ADGRD1: variants seen among roughly 807,000 people sequenced by gnomAD.
The protein encoded by ADGRD1 is G-protein coupled receptor 133.
A neutral mutation model predicts 113.4 loss-of-function variants in ADGRD1; 77 were observed. The observed-to-expected ratio is 0.68, with a 90% CI of 0.57 to 0.82. The LOEUF is 0.82. Ranked by LOEUF, ADGRD1 falls within the 40% of genes least tolerant of loss-of-function variation. The pLI is 0.00. For missense variants in ADGRD1, 1,036 were observed against 1,139.1 expected, an observed-to-expected ratio of 0.91 and a Z score of 1.30; for synonymous variants, 474 against 475.0, an observed-to-expected ratio of 1.00 and a Z score of 0.03.
Position 131,000,501 on chromosome 12 carries a change from G to A in ADGRD1, c.1026+59G>A. 2.2e-6 allele frequency: 3 copies of A among 1,368,420 alleles called. No individual in the cohort carries two copies. The South Asian group carries it at 3.5e-5, about 16-fold the overall frequency. The allele number at this position is 1,368,420 out of a possible 1,614,324, so 84.8% of individuals were successfully genotyped here. ...TCATACCTATAATCCCAGCACTTTGGGAGGCCAAGGCGGGTGGATCACTTG... is the reference window on the plus strand; with the variant it reads ...TCATACCTATAATCCCAGCACTTTGAGAGGCCAAGGCGGGTGGATCACTTG... On this transcript the variant is annotated intron_variant, in intron 9 of 24. Transcript: ENST00000261654.
intron 3 of ADGRD1, chr12:130,970,848 G>A (rs1209612): frequency 0.85 from 129,094 of 152,328 alleles, 57,919 homozygotes; most frequent in East Asian, 1. Flanking sequence ...GCAAAATGTT[G>A]CTCGGGGTTT....
intron 20 of ADGRD1, among the ~76,000 whole-genome samples, chr12:131,130,758 G>A (rs1203654384): frequency 6.7e-6 from 1 of 150,090 alleles, no homozygotes; most frequent in Non-Finnish European, 1.5e-5. Flanking sequence ...CCCGTGCGGG[G>A]GGAGAGCGAA....
intron 13 of ADGRD1, among the ~76,000 whole-genome samples, chr12:131,059,382 T>C (rs914738825): frequency 2.6e-5 from 4 of 152,226 alleles, no homozygotes; most frequent in Admixed American, 2.6e-4. Flanking sequence ...GGTTTCACCA[T>C]GTTGGCCAGG....
intron 18 of ADGRD1, among the ~76,000 whole-genome samples, chr12:131,115,390 G>A (rs1025342846): frequency 6.6e-6 from 1 of 152,188 alleles, no homozygotes; most frequent in Admixed American, 6.5e-5. Flanking sequence ...CGAGGGGCAG[G>A]GGTGTGGACC....
At chr12:130,976,847 C>A (rs1350000867) in intron 4 of ADGRD1, 2 of 150,836 alleles carry the variant, frequency 1.3e-5, no homozygotes, top group Non-Finnish European at 2.9e-5. Flanking sequence ...CACAGGAAGA[C>A]CCTGTCTCAA....
intron 11 of ADGRD1, 88 bp downstream of exon 11, chr12:131,004,384 GCC>G: frequency 1.3e-6 from 1 of 779,172 alleles, no homozygotes; most frequent in East Asian, 2.8e-5. Flanking sequence ...TGCCCACCGC[GCC>G]AGGGAGCTGC....
At chr12:130,979,163 A>G (rs1872669888) in intron 4 of ADGRD1, among the ~76,000 whole-genome samples, 1 of 152,192 alleles carries the variant, frequency 6.6e-6, no homozygotes, top group Admixed American at 6.5e-5. Context: ...GGTAACCCAC[A>G]TTACTGGGCA....
chr12:131,034,615 T>C (rs550130583), intron 13 of ADGRD1, among the ~76,000 whole-genome samples: 2 of 152,210 alleles, frequency 1.3e-5, no homozygotes, highest in Non-Finnish European at 2.9e-5. Flanking sequence ...GAGGCTGTCA[T>C]GTTTATTGCT....
rs1483028455 is a variant in ADGRD1 at position 131,138,178 on chromosome 12, C to G, written c.2478C>G (p.Leu826=). 6.2e-7 allele frequency: 1 copy of G among 1,613,742 alleles called. No homozygotes were observed. The highest frequency in any genetic ancestry group is 1.1e-5 in the South Asian group (1 of 91,076). ...AFKHKTKVWS[L]TSSSARTSNA... The stretch of plus-strand genomic sequence containing the variant: ...AGCACAAAACCAAGGTCTGGTCGCT[C>G]ACGAGCAGCTCTGCCCGCACCTCCA... Residue 826 remains leucine (L), a synonymous_variant, in exon 24 of 25, where the codon CTC becomes CTG. Coordinates refer to ENST00000261654, the MANE Select transcript of ADGRD1 (RefSeq NM_198827.5).
chr12:131,085,980 G>T (rs928175814), intron 15 of ADGRD1, among the ~76,000 whole-genome samples: 2 of 152,158 alleles, frequency 1.3e-5, no homozygotes, highest in Non-Finnish European at 2.9e-5. Context: ...GGGTGGCTTT[G>T]GGAGGAGTCA....
chr12:131,103,854 G>A (rs528039974), intron 15 of ADGRD1, among the ~76,000 whole-genome samples: 2 of 152,280 alleles, frequency 1.3e-5, no homozygotes, highest in East Asian at 3.9e-4. Flanking sequence ...CAAGAGCCAT[G>A]GGCCACAGGA....
At chr12:131,122,103 T>A (rs1950611195) in intron 20 of ADGRD1, 1 of 152,412 alleles carries the variant, frequency 6.6e-6, no homozygotes, top group Admixed American at 6.5e-5. Flanking sequence ...GGGCCCGGGC[T>A]GCGCGTCCTG....
At chr12:130,961,475 A>G (rs895199460) in intron 2 of ADGRD1, among the ~76,000 whole-genome samples, 1 of 148,320 alleles carries the variant, frequency 6.7e-6, no homozygotes, top group Non-Finnish European at 1.5e-5. Flanking sequence ...GTCCCCTGCT[A>G]CTTGTTTTGC....
At chr12:131,115,357 C>A (rs556311274) in intron 18 of ADGRD1, among the ~76,000 whole-genome samples, 1 of 152,286 alleles carries the variant, frequency 6.6e-6, no homozygotes, top group Non-Finnish European at 1.5e-5. Context: ...TGCCCAGAAC[C>A]AGCCCCGTGG....
chr12:131,125,874 A>G (rs1239383226), intron 20 of ADGRD1, among the ~76,000 whole-genome samples: 1 of 152,232 alleles, frequency 6.6e-6, no homozygotes, highest in Non-Finnish European at 1.5e-5. Flanking sequence ...TTTATAATGC[A>G]ATGTTGAATA....
rs1299426904 is a variant in ADGRD1 at position 130,997,194 on chromosome 12, C to CCG, written c.967-3188_967-3187insGC. ...CTTGCCGGGCGGGGGGCTGACCCCC[C>CCG]CCCCCGGACGGGGCAGCTGGCCGGG... On this transcript the variant is annotated intron_variant, in intron 8 of 24. Coordinates refer to ENST00000261654, the MANE Select transcript of ADGRD1 (RefSeq NM_198827.5). Among the ~76,000 whole-genome samples the CCG allele has an allele frequency of 5.2e-4, 74 of 141,556 alleles. 4 individuals carry two copies. Among genetic ancestry groups the CCG allele is most frequent in the Non-Finnish European group, 1.0e-3 (65 of 63,498 alleles). The allele number at this position is 141,556 out of a possible 152,430, so 92.9% of individuals were successfully genotyped here. A position where few individuals can be genotyped will look rare whatever the true frequency, so the allele number is the denominator to read the frequency against.
At chr12:131,002,423 C>G (rs1876501756) in intron 9 of ADGRD1, 1 of 736,084 alleles carries the variant, frequency 1.4e-6, no homozygotes, top group Middle Eastern at 6.8e-4. Flanking sequence ...CATTCTATTT[C>G]CAGCTCATGA....
chr12:131,051,785 C>T (rs1359918304), intron 13 of ADGRD1, among the ~76,000 whole-genome samples: 8 of 152,184 alleles, frequency 5.3e-5, no homozygotes, highest in Admixed American at 4.6e-4. Context: ...CGCGCCCAGG[C>T]GATAGCTGTT....
At position 130,966,575 on chromosome 12, in the gene ADGRD1, T is replaced by TG. The variant is rs770811908; in HGVS notation, c.187+32dup. On this transcript the variant is annotated intron_variant, in intron 3 of 24. Coordinates refer to ENST00000261654, the MANE Select transcript of ADGRD1 (RefSeq NM_198827.5). The surrounding 1 kb of genome is among the most constrained non-coding windows in gnomAD (Gnocchi z 4.6). ...GAGACGCGGGTGCTGAGAGCGGCTG[T>TG]GGGCGCGGGAATCCCAGGGCCATCA... The TG allele has an allele frequency of 7.3e-5, 105 of 1,429,588 alleles. 1 individual carries two copies. The South Asian group carries it at 1.2e-3, about 16-fold the overall frequency. The allele number at this position is 1,429,588 out of a possible 1,614,324, so 88.6% of individuals were successfully genotyped here.
Sources: allele counts gnomAD v4.1 joint callset (sites outside exome capture counted in the v4.1 genomes callset), GRCh38; gene constraint gnomAD v4.1.1; non-coding constraint Gnocchi (gnomAD v3.1); transcripts MANE v1.5; gene names NCBI Gene and HGNC (gene_info 2026-07-23, HGNC 2026-07-21).